The following EDNRA variants were observed in gnomAD, a reference collection of about 807,000 sequenced individuals.
The protein encoded by EDNRA is endothelin receptor type A.
A neutral mutation model predicts 41.4 loss-of-function variants in EDNRA; 11 were observed. That is an observed-to-expected ratio of 0.27 (90% CI 0.17 to 0.44). EDNRA has a LOEUF of 0.44. Ranked by LOEUF, EDNRA falls within the 20% of genes least tolerant of loss-of-function variation. The pLI, the probability that EDNRA is intolerant of heterozygous loss-of-function variation, is 1.00. For synonymous variants in EDNRA, 172 were observed against 183.0 expected (o/e 0.94, Z 0.49); for missense variants, 294 against 531.0 (o/e 0.55, Z 4.39).
chr4:147,524,014 G>C (rs1219385649), intron 3 of EDNRA, among the ~76,000 whole-genome samples: 1 of 152,066 alleles, frequency 6.6e-6, no homozygotes, highest in African/African-American at 2.4e-5. Flanking sequence ...AGGAGTAGAA[G>C]AAAATAGACT....
intron 2 of EDNRA, among the ~76,000 whole-genome samples, chr4:147,517,343 G>T (rs1409719778): frequency 6.6e-6 from 1 of 152,140 alleles, no homozygotes; most frequent in East Asian, 1.9e-4. Flanking sequence ...CACTTTGAAT[G>T]TAGGACTGCT....
chr4:147,506,629 G>T, intron 2 of EDNRA: 1 of 311,098 alleles, frequency 3.2e-6, no homozygotes, highest in Non-Finnish European at 6.5e-6. Context: ...AGGACTTGGT[G>T]GACATCACAA....
chr4:147,517,743 ACT>A (rs1292297627), intron 2 of EDNRA, among the ~76,000 whole-genome samples: 2 of 152,310 alleles, frequency 1.3e-5, no homozygotes, highest in East Asian at 3.9e-4. Context: ...TTTGCTTCCC[ACT>A]GATTCCATGA....
At chr4:147,496,419 C>T (rs962086880) in intron 2 of EDNRA, among the ~76,000 whole-genome samples, 1 of 152,190 alleles carries the variant, frequency 6.6e-6, no homozygotes, top group Admixed American at 6.5e-5. Flanking sequence ...TATGTTATAT[C>T]ATTTAACAGT....
At chr4:147,509,845 T>A (rs1729858962) in intron 2 of EDNRA, among the ~76,000 whole-genome samples, 1 of 152,130 alleles carries the variant, frequency 6.6e-6, no homozygotes, top group Non-Finnish European at 1.5e-5. Flanking sequence ...AGTTGTATAA[T>A]TATTTTATTA....
chr4:147,540,999 T>C (rs529133206), intron 7 of EDNRA, among the ~76,000 whole-genome samples: 2 of 129,162 alleles, frequency 1.5e-5, no homozygotes, highest in Non-Finnish European at 3.1e-5. Context: ...ACCCAAGAGG[T>C]GGAGCTTGCA....
chr4:147,512,245 C>A (rs976496051), intron 2 of EDNRA, among the ~76,000 whole-genome samples: 23 of 152,310 alleles, frequency 1.5e-4, no homozygotes, highest in Non-Finnish European at 2.8e-4. Context: ...GATTCCCAGG[C>A]TTCAGGTGAC....
At chr4:147,498,401 C>T (rs1729389431) in intron 2 of EDNRA, among the ~76,000 whole-genome samples, 1 of 152,138 alleles carries the variant, frequency 6.6e-6, no homozygotes, top group African/African-American at 2.4e-5. Flanking sequence ...CCGTCCAGAG[C>T]CCACTTTCAA....
chr4:147,499,445 A>T (rs1723826807), intron 2 of EDNRA, among the ~76,000 whole-genome samples: 1 of 152,238 alleles, frequency 6.6e-6, no homozygotes, highest in South Asian at 2.1e-4. Context: ...AAGTAGGCTT[A>T]TTCCTAAGCT....
At chr4:147,507,466 A>T (rs1729758251) in intron 2 of EDNRA, among the ~76,000 whole-genome samples, 2 of 152,248 alleles carry the variant, frequency 1.3e-5, no homozygotes, top group Non-Finnish European at 2.9e-5. Flanking sequence ...TACTCCATTT[A>T]TATAACATTC....
At chr4:147,526,475 G>T (rs1730552160) in intron 3 of EDNRA, among the ~76,000 whole-genome samples, 1 of 152,144 alleles carries the variant, frequency 6.6e-6, no homozygotes, top group Non-Finnish European at 1.5e-5. Context: ...TAGTCTCAGG[G>T]TCCTCTCTGT....
intron 2 of EDNRA, among the ~76,000 whole-genome samples, chr4:147,515,336 T>C (rs762961483): frequency 2.5e-4 from 38 of 152,262 alleles, no homozygotes; most frequent in Middle Eastern, 6.8e-3. Context: ...ACTAAAAATA[T>C]CTCAGACATT....
At chr4:147,482,507 T>C (rs2126361460) in intron 1 of EDNRA, among the ~76,000 whole-genome samples, 1 of 152,358 alleles carries the variant, frequency 6.6e-6, no homozygotes, top group Admixed American at 6.5e-5. Flanking sequence ...CTGACTCAGA[T>C]TCCTGGAAAT....
At chr4:147,527,560 TTTTAA>T (rs1297640199) in intron 3 of EDNRA, among the ~76,000 whole-genome samples, 8 of 152,194 alleles carry the variant, frequency 5.3e-5, no homozygotes, top group Admixed American at 6.5e-5. Context: ...AGTGGTATCT[TTTTAA>T]TTTGTTTTAT....
chr4:147,505,776 G>A (rs1187374806), intron 2 of EDNRA, among the ~76,000 whole-genome samples: 2 of 150,080 alleles, frequency 1.3e-5, no homozygotes, highest in Non-Finnish European at 3.0e-5. Flanking sequence ...AGCCTCCCGA[G>A]TAGCTGGGAC....
chr4:147,530,383 A>G lies in EDNRA; in HGVS notation c.549-2123A>G, dbSNP rs148712651. On this transcript the variant is annotated intron_variant, in intron 3 of 7. Coordinates refer to ENST00000651419, the MANE Select transcript of EDNRA (RefSeq NM_001957.4). Reference sequence around the variant, plus strand: ...CAGTTTAACAAGGGAACAAAGAAAAATAAACAATGATTTTTATCCCACTGG... The same window carrying G: ...CAGTTTAACAAGGGAACAAAGAAAAGTAAACAATGATTTTTATCCCACTGG... Among the ~76,000 whole-genome samples, 511 of 152,344 alleles carry G rather than the reference A, an allele frequency of 3.4e-3. 2 individuals carry two copies. Among genetic ancestry groups the G allele is most frequent in the African/African-American group, 0.012 (487 of 41,580 alleles).
intron 3 of EDNRA, among the ~76,000 whole-genome samples, chr4:147,523,585 G>A (rs1046090669): frequency 5.9e-5 from 9 of 151,428 alleles, no homozygotes; most frequent in African/African-American, 2.2e-4. Context: ...CCGCCTCCCA[G>A]GTTCACGCCA....
intron 3 of EDNRA, among the ~76,000 whole-genome samples, 181 bp from the exon 4 acceptor site, chr4:147,532,325 C>CAAAAAA (rs59851236): frequency 2.0e-4 from 12 of 60,390 alleles, no homozygotes; most frequent in African/African-American, 5.6e-4. Context: ...GATTTTGCCT[C>CAAAAAA]AAAAAAAAAA....
chr4:147,482,358 A>G (rs1273778051), intron 1 of EDNRA, among the ~76,000 whole-genome samples: 1 of 152,126 alleles, frequency 6.6e-6, no homozygotes, highest in Non-Finnish European at 1.5e-5. Context: ...CTCTTTCTTA[A>G]TAATAGTTTT....
Sources: allele counts gnomAD v4.1 joint callset (sites outside exome capture counted in the v4.1 genomes callset), GRCh38; gene constraint gnomAD v4.1.1; transcripts MANE v1.5; gene names NCBI Gene and HGNC (gene_info 2026-07-23, HGNC 2026-07-21).